MTCL2: variants seen among roughly 807,000 people sequenced by gnomAD.
MTCL2 encodes the protein microtubule cross-linking factor 2.
chr20:36,783,496 T>C, the MTCL2 span: 2 of 152,538 alleles, frequency 1.3e-5, no homozygotes, highest in African/African-American at 4.8e-5. Context: ...CCAAGCCAAG[T>C]GGTCTATGGG....
the MTCL2 span, among the ~76,000 whole-genome samples, chr20:36,817,753 C>T: frequency 6.6e-6 from 1 of 152,198 alleles, no homozygotes; most frequent in East Asian, 1.9e-4. Context: ...CAGTTGGCCT[C>T]GGCGAAGACT....
At chr20:36,777,928 CTTTCTTTGTGGAGTTAAGA>C in the MTCL2 span, 1 of 596,184 alleles carries the variant, frequency 1.7e-6, no homozygotes, top group Non-Finnish European at 3.0e-6. Context: ...ATTTAGGATG[CTTTCTTTGTGGAGTTAAGA>C]TTTCTTTCAG....
chr20:36,826,524 T>C, the MTCL2 span, among the ~76,000 whole-genome samples: 1 of 150,336 alleles, frequency 6.7e-6, no homozygotes, highest in Non-Finnish European at 1.5e-5. Flanking sequence ...ACTACAGGCA[T>C]GCACAAAGAT....
chr20:36,838,451 C>T, the MTCL2 span, among the ~76,000 whole-genome samples: 1 of 151,860 alleles, frequency 6.6e-6, no homozygotes, highest in Admixed American at 6.6e-5. Flanking sequence ...AAAAATTAGC[C>T]AGGTGTGGTG....
chr20:36,808,851 G>C, the MTCL2 span: 32 of 955,626 alleles, frequency 3.3e-5, no homozygotes, highest in Admixed American at 5.5e-5. Flanking sequence ...GTGCCTGTGA[G>C]TGATCCCTGC....
chr20:36,778,522 T>G, the MTCL2 span: 1 of 152,344 alleles, frequency 6.6e-6, no homozygotes, highest in Non-Finnish European at 1.5e-5. Context: ...CACCTCATTC[T>G]GAGCAGCCTG....
the MTCL2 span, chr20:36,786,450 C>A: frequency 6.6e-7 from 1 of 1,513,688 alleles, no homozygotes; most frequent in Admixed American, 2.1e-5. Context: ...TATCCAGGGG[C>A]TGGGCTGGTT....
At chr20:36,817,163 AG>A in the MTCL2 span, among the ~76,000 whole-genome samples, 1 of 148,676 alleles carries the variant, frequency 6.7e-6, no homozygotes, top group Non-Finnish European at 1.5e-5. Flanking sequence ...GCTACTCGGG[AG>A]GCTGAGGCAT....
the MTCL2 span, among the ~76,000 whole-genome samples, chr20:36,790,579 C>T: frequency 2.7e-5 from 4 of 150,908 alleles, no homozygotes; most frequent in Non-Finnish European, 4.4e-5. Context: ...GGACTATAGG[C>T]GCATGCTGCC....
At chr20:36,837,546 ACATTATTATTATTATTAT>A in the MTCL2 span, among the ~76,000 whole-genome samples, 115 of 135,050 alleles carry the variant, frequency 8.5e-4, no homozygotes, top group Non-Finnish European at 1.2e-3. Flanking sequence ...CATTTTACCC[ACATTATTATTATTATTAT>A]TATTATTATT....
At chr20:36,802,799 A>G in the MTCL2 span, 1 of 1,536,728 alleles carries the variant, frequency 6.5e-7, no homozygotes, top group Non-Finnish European at 8.8e-7. Context: ...CTTCTGAATC[A>G]TTTCTGTAGC....
At chr20:36,786,453 G>A in the MTCL2 span, 1 of 1,517,020 alleles carries the variant, frequency 6.6e-7, no homozygotes, top group Non-Finnish European at 8.8e-7. Flanking sequence ...CCAGGGGCTG[G>A]GCTGGTTGAG....
At chr20:36,849,593 C>A in the MTCL2 span, among the ~76,000 whole-genome samples, 1 of 152,116 alleles carries the variant, frequency 6.6e-6, no homozygotes, top group Non-Finnish European at 1.5e-5. Flanking sequence ...CACCACCATG[C>A]CTGGCTGAAT....
chr20:36,830,893 C>T, the MTCL2 span, among the ~76,000 whole-genome samples: 4 of 152,186 alleles, frequency 2.6e-5, no homozygotes, highest in African/African-American at 9.7e-5. Context: ...AGGGCATGAT[C>T]GCTGGAGGTC....
the MTCL2 span, chr20:36,817,537 G>A: frequency 6.9e-7 from 1 of 1,446,726 alleles, no homozygotes; most frequent in South Asian, 1.3e-5. Flanking sequence ...TGATGCACAT[G>A]CAGAGAGCTG....
At chr20:36,819,868 T>C in the MTCL2 span, among the ~76,000 whole-genome samples, 1 of 152,066 alleles carries the variant, frequency 6.6e-6, no homozygotes, top group Non-Finnish European at 1.5e-5. Context: ...GGAGCCAGTA[T>C]TTGAGAAGTG....
the MTCL2 span, among the ~76,000 whole-genome samples, chr20:36,830,966 A>C: frequency 2.0e-5 from 3 of 152,182 alleles, no homozygotes; most frequent in Admixed American, 1.3e-4. Flanking sequence ...AAAATGACAA[A>C]GGGTGGGCAG....
the MTCL2 span, among the ~76,000 whole-genome samples, chr20:36,834,082 G>A: frequency 3.3e-5 from 5 of 150,732 alleles, no homozygotes; most frequent in African/African-American, 1.2e-4. Flanking sequence ...AGAATTGCTT[G>A]AACCCGGGAG....
At chr20:36,802,481 C>T in the MTCL2 span, among the ~76,000 whole-genome samples, 53 of 152,238 alleles carry the variant, frequency 3.5e-4, no homozygotes, top group African/African-American at 1.3e-3. Flanking sequence ...ACTCTTAGTT[C>T]CTCCCTCTTG....
Sources: allele counts gnomAD v4.1 joint callset (sites outside exome capture counted in the v4.1 genomes callset), GRCh38; gene constraint gnomAD v4.1.1; transcripts MANE v1.5; gene names NCBI Gene and HGNC (gene_info 2026-07-23, HGNC 2026-07-21).